Variants in SLC25A20 observed in about 807,000 individuals in gnomAD.
SLC25A20 encodes mitochondrial carnitine/acylcarnitine carrier protein.
Under a neutral mutation model 39.7 loss-of-function variants are expected in SLC25A20, and 29 were observed. That is an observed-to-expected ratio of 0.73 (90% CI 0.54 to 1.00). The LOEUF (loss-of-function observed/expected upper bound fraction) is 1.00. Ranked by LOEUF, SLC25A20 falls within the 50% of genes least tolerant of loss-of-function variation. The pLI is 0.00. For missense variants in SLC25A20, 333 were observed against 379.9 expected (o/e 0.88, Z 1.03); for synonymous variants, 103 against 142.2 (o/e 0.72, Z 1.96).
chr3:48,898,840 G>C lies in SLC25A20; in HGVS notation c.-46C>G, dbSNP rs774598150. Reference sequence around the variant, plus strand: ...CGTCTGTCAGTTCTCGGGCCGTCCTGGCTTCTCAGCCCCAGCTGCAGTGCC... The same window carrying C: ...CGTCTGTCAGTTCTCGGGCCGTCCTCGCTTCTCAGCCCCAGCTGCAGTGCC... On this transcript the variant is annotated 5_prime_UTR_variant, in exon 1 of 9. Coordinates refer to ENST00000319017, the MANE Select transcript of SLC25A20 (RefSeq NM_000387.6). 2 of 1,531,628 alleles carry C rather than the reference G, an allele frequency of 1.3e-6. No individual in the cohort carries two copies. Among genetic ancestry groups the C allele is most frequent in the African/African-American group, 2.8e-5 (2 of 72,694 alleles). 94.9% of individuals were successfully genotyped at this position (1,531,628 alleles called of 1,614,324 possible). A position where few individuals can be genotyped will look rare whatever the true frequency, so the allele number is the denominator to read the frequency against.
chr3:48,896,065 G>A (rs1239405182), intron 1 of SLC25A20, among the ~76,000 whole-genome samples: 1 of 151,486 alleles, frequency 6.6e-6, no homozygotes, highest in South Asian at 2.1e-4. Flanking sequence ...GCTTGAACTC[G>A]GGAGATGGAA....
intron 4 of SLC25A20, among the ~76,000 whole-genome samples, chr3:48,868,479 TG>T (rs1471409984): frequency 6.6e-5 from 10 of 152,116 alleles, no homozygotes; most frequent in Non-Finnish European, 1.2e-4. Context: ...CAAAAAACTC[TG>T]GATGTTATAT....
intron 1 of SLC25A20, among the ~76,000 whole-genome samples, chr3:48,896,954 C>G (rs368060377): frequency 1.3e-5 from 2 of 152,048 alleles, no homozygotes; most frequent in Non-Finnish European, 2.9e-5. Flanking sequence ...CCTGTTCTAA[C>G]GCACCACCTT....
At chr3:48,897,367 A>ATTTT (rs869090435) in intron 1 of SLC25A20, among the ~76,000 whole-genome samples, 4,678 of 83,548 alleles carry the variant, frequency 0.056, 229 homozygotes, top group Non-Finnish European at 0.086. Context: ...ATATATATAT[A>ATTTT]TTTTTTTTTT....
At chr3:48,893,880 G>T (rs1219684159) in intron 1 of SLC25A20, among the ~76,000 whole-genome samples, 2 of 149,170 alleles carry the variant, frequency 1.3e-5, no homozygotes, top group East Asian at 2.0e-4. Flanking sequence ...AAAAAAGGAG[G>T]CCAGGCGCGG....
At chr3:48,879,543 A>T in intron 3 of SLC25A20, 95 bp from the exon 4 acceptor site, 1 of 849,696 alleles carries the variant, frequency 1.2e-6, no homozygotes, top group Non-Finnish European at 2.1e-6. Flanking sequence ...GTAAGAAAAA[A>T]AATAAGTACT....
At chr3:48,879,806 T>A (rs2083785594) in intron 3 of SLC25A20, among the ~76,000 whole-genome samples, 1 of 152,142 alleles carries the variant, frequency 6.6e-6, no homozygotes, top group South Asian at 2.1e-4. Context: ...TCCAGGCCTC[T>A]CTGAGCCTCA....
intron 3 of SLC25A20, among the ~76,000 whole-genome samples, chr3:48,879,705 C>G (rs2083785254): frequency 6.6e-6 from 1 of 152,186 alleles, no homozygotes; most frequent in African/African-American, 2.4e-5. Context: ...GTGGTACACG[C>G]TCAGAATCCC....
rs752747443 is a variant in SLC25A20 at position 48,898,765 on chromosome 3, C to A, written c.30G>T (p.Pro10=). 6.2e-7 allele frequency: 1 copy of A among 1,601,276 alleles called. No individual in the cohort carries two copies. Among genetic ancestry groups the A allele is most frequent in the Non-Finnish European group, 8.5e-7 (1 of 1,174,380 alleles). The change falls in exon 1 of 9, where the codon CCG becomes CCT. Residue 10 remains proline (P), a synonymous_variant. Coordinates refer to ENST00000319017, the MANE Select transcript of SLC25A20 (RefSeq NM_000387.6). MADQPKPIS[P]LKNLLAGGFG... is the part of the protein sequence containing the mutation. ...AGCCGCCGGCCAGCAGGTTCTTGAG[C>A]GGGCTGATGGGTTTTGGCTGGTCGG...
At chr3:48,875,138 C>G (rs1318661552) in intron 4 of SLC25A20, among the ~76,000 whole-genome samples, 1 of 150,566 alleles carries the variant, frequency 6.6e-6, no homozygotes, top group Non-Finnish European at 1.5e-5. Flanking sequence ...GAGTCTTGCT[C>G]TGTTGCCCAG....
At chr3:48,881,411 T>C (rs907298680) in intron 3 of SLC25A20, among the ~76,000 whole-genome samples, 1 of 152,126 alleles carries the variant, frequency 6.6e-6, no homozygotes, top group African/African-American at 2.4e-5. Flanking sequence ...CTGAATAGGA[T>C]CTCTGTGTGT....
chr3:48,891,309 C>T lies in SLC25A20; in HGVS notation c.198+671G>A, dbSNP rs147376961. On this transcript the variant is annotated intron_variant, in intron 2 of 8. Coordinates refer to ENST00000319017, the MANE Select transcript of SLC25A20 (RefSeq NM_000387.6). ...AGGGTGGTCTTGAACTCCTGAACTC[C>T]GGCAATCCACCCACCTTGGCCTCCC... is the stretch of plus-strand genomic sequence containing the variant. 4.6e-4 allele frequency among the ~76,000 whole-genome samples: 70 copies of T among 151,622 alleles called. 1 individual carries two copies. Among genetic ancestry groups the T allele is most frequent in the African/African-American group, 1.5e-3 (64 of 41,372 alleles).
At chr3:48,882,713 C>T (rs995708846) in intron 3 of SLC25A20, among the ~76,000 whole-genome samples, 31 of 151,848 alleles carry the variant, frequency 2.0e-4, no homozygotes, top group African/African-American at 6.3e-4. Flanking sequence ...ACACACACAC[C>T]GACCATTGCT....
intron 1 of SLC25A20, among the ~76,000 whole-genome samples, 162 bp downstream of exon 1, chr3:48,898,528 G>A (rs946914729): frequency 3.3e-5 from 5 of 152,196 alleles, no homozygotes; most frequent in Admixed American, 2.6e-4. Context: ...TGGGGCGCAA[G>A]GTACAGCTTC....
Position 48,888,444 on chromosome 3 carries a change from C to T in SLC25A20, c.198+3536G>A, listed in dbSNP as rs375086708. Among the ~76,000 whole-genome samples the T allele has an allele frequency of 1.2e-4, 18 of 151,680 alleles. No homozygotes were observed. In the East Asian group the frequency reaches 2.5e-3, roughly 21 times the overall value. On this transcript the variant is annotated intron_variant, in intron 2 of 8. Coordinates refer to ENST00000319017, the MANE Select transcript of SLC25A20 (RefSeq NM_000387.6). ...AATTAGCCGGGCATGGTGGCAGGTG[C>T]CTGCAATCCCAGCTACTCGGGAGGC...
At chr3:48,872,465 A>G (rs2083723880) in intron 4 of SLC25A20, among the ~76,000 whole-genome samples, 1 of 151,748 alleles carries the variant, frequency 6.6e-6, no homozygotes, top group Admixed American at 6.6e-5. Flanking sequence ...AACACAGTTC[A>G]GTGGAATGAA....
intron 5 of SLC25A20, among the ~76,000 whole-genome samples, chr3:48,860,834 CTT>C (rs780743103): frequency 5.2e-5 from 7 of 134,304 alleles, no homozygotes; most frequent in Admixed American, 2.3e-4. Flanking sequence ...TATTACTTTA[CTT>C]TTTTTTTTTT....
At chr3:48,871,982 AT>A (rs71077746) in intron 4 of SLC25A20, among the ~76,000 whole-genome samples, 55 of 56,724 alleles carry the variant, frequency 9.7e-4, no homozygotes, top group African/African-American at 2.8e-3. Context: ...TGCCCAGCTA[AT>A]TTTTTTTTTT....
chr3:48,881,916 G>A (rs2083798146), intron 3 of SLC25A20, among the ~76,000 whole-genome samples: 1 of 152,192 alleles, frequency 6.6e-6, no homozygotes, highest in South Asian at 2.1e-4. Flanking sequence ...GACATTCAGA[G>A]AGTCATAAGG....
Sources: gnomAD v4.1 joint callset for allele counts (sites outside exome capture counted in the v4.1 genomes callset) on GRCh38, gnomAD v4.1.1 for gene constraint, MANE v1.5 for transcripts, NCBI Gene and HGNC (gene_info 2026-07-23, HGNC 2026-07-21) for gene names.